The following MSR1 variants were observed in gnomAD, a reference collection of about 807,000 sequenced individuals.
The protein encoded by MSR1 is macrophage scavenger receptor types I and II.
In MSR1, 53 loss-of-function variants were observed where a neutral mutation model predicts 47.2. That is an observed-to-expected ratio of 1.12 (90% CI 0.90 to 1.41). MSR1 has a LOEUF of 1.41. Among genes scored for constraint, MSR1 ranks in the 40% most tolerant of loss-of-function variants. The probability of loss-of-function intolerance (pLI) is 0.00; values close to 1 mark genes in which losing one functional copy is unlikely to be tolerated. For missense variants in MSR1, 786 were observed against 546.9 expected (o/e 1.44, Z -4.36); for synonymous variants, 239 against 185.6 (o/e 1.29, Z -2.34).
chr8:16,168,812 A>T lies in MSR1; in HGVS notation c.276T>A (p.Asp92Glu). Reference protein sequence around the residue: ...NCSVSSTNANDITQSLTGKGN... With the variant: ...NCSVSSTNANEITQSLTGKGN... ...CTTTTCCCGTGAGACTTTGAGTTAT[A>T]TCATTTGCATTAGTTGAACTAACTG... Residue 92 changes from aspartate (D) to glutamate (E), a missense_variant, in exon 4 of 10, where the codon GAT becomes GAA. Asp to Glu is a conservative substitution (Grantham distance 45). Coordinates refer to ENST00000262101, the MANE Select transcript of MSR1 (RefSeq NM_138715.3). The T allele has an allele frequency of 6.2e-7, 1 of 1,613,984 alleles. No homozygotes were observed. Among genetic ancestry groups the T allele is most frequent in the African/African-American group, 1.3e-5 (1 of 75,048 alleles).
intron 8 of MSR1, among the ~76,000 whole-genome samples, chr8:16,126,734 T>A (rs1255347589): frequency 6.6e-6 from 1 of 152,162 alleles, no homozygotes; most frequent in Non-Finnish European, 1.5e-5. Flanking sequence ...TTTTTGTATT[T>A]TTTGAAGAGA....
At chr8:16,129,895 A>C (rs1051957529) in intron 8 of MSR1, among the ~76,000 whole-genome samples, 2 of 152,186 alleles carry the variant, frequency 1.3e-5, no homozygotes, top group Non-Finnish European at 2.9e-5. Context: ...GTATCAGGCT[A>C]AATTTCTTAC....
chr8:16,141,449 A>C (rs1171442294), intron 8 of MSR1, among the ~76,000 whole-genome samples: 1 of 152,214 alleles, frequency 6.6e-6, no homozygotes, highest in Admixed American at 6.5e-5. Flanking sequence ...GCTGAATAAT[A>C]GAATAATGTG....
intron 7 of MSR1, among the ~76,000 whole-genome samples, chr8:16,148,242 T>TC (rs1800753037): frequency 6.6e-6 from 1 of 152,110 alleles, no homozygotes; most frequent in South Asian, 2.1e-4. Flanking sequence ...GCATTTTTTT[T>TC]CTGTATCCAG....
intron 3 of MSR1, among the ~76,000 whole-genome samples, chr8:16,174,712 A>G (rs1208569383): frequency 6.6e-6 from 1 of 152,220 alleles, no homozygotes; most frequent in Non-Finnish European, 1.5e-5. Flanking sequence ...CCTCTCTTTA[A>G]AAACTGACAG....
chr8:16,191,723 G>A (rs1012246047), intron 1 of MSR1, among the ~76,000 whole-genome samples: 9 of 152,088 alleles, frequency 5.9e-5, no homozygotes, highest in South Asian at 2.1e-4. Flanking sequence ...TGCATAAAAC[G>A]GCTAATCACT....
At chr8:16,188,470 T>A (rs1373840497) in intron 1 of MSR1, among the ~76,000 whole-genome samples, 3 of 152,100 alleles carry the variant, frequency 2.0e-5, no homozygotes, top group Non-Finnish European at 4.4e-5. Flanking sequence ...ATTATTTTAA[T>A]ATTTCAAACG....
At chr8:16,123,145 C>G (rs1390164475) in intron 8 of MSR1, among the ~76,000 whole-genome samples, 1 of 152,018 alleles carries the variant, frequency 6.6e-6, no homozygotes, top group Non-Finnish European at 1.5e-5. Context: ...GCACCCGGCC[C>G]TCTATTCAAA....
At chr8:16,162,132 C>T (rs1801179921) in intron 5 of MSR1, among the ~76,000 whole-genome samples, 1 of 151,860 alleles carries the variant, frequency 6.6e-6, no homozygotes, top group Non-Finnish European at 1.5e-5. Context: ...CAATACAAAA[C>T]CACAGATAAG....
At chr8:16,119,446 G>A (rs906606701) in intron 9 of MSR1, among the ~76,000 whole-genome samples, 2 of 152,042 alleles carry the variant, frequency 1.3e-5, no homozygotes, top group South Asian at 2.1e-4. Context: ...GGCTGATCTC[G>A]AACTCCTGAC....
intron 8 of MSR1, among the ~76,000 whole-genome samples, chr8:16,136,393 G>A (rs1009768758): frequency 1.3e-5 from 2 of 152,078 alleles, no homozygotes; most frequent in African/African-American, 4.8e-5. Flanking sequence ...TAGCAATAAA[G>A]TATTTTAAAA....
rs138987923 is a variant in MSR1 at position 16,120,603 on chromosome 8, G to A, written c.1037C>T (p.Pro346Leu). The A allele has an allele frequency of 1.7e-3, 2,608 of 1,556,006 alleles. 46 individuals are homozygous for A. The African/African-American group carries it at 0.033, about 19-fold the overall frequency. ...ACCGACCAGTCGAACTTTCGTAAAT[G>A]GAGCTGTAAAGTTAAAAAAAAAAAA... The part of the protein sequence containing the change: ...GEKGSGNTLT[P>L]FTKVRLVGGS... Residue 346 changes from proline to leucine, a missense_variant, in exon 9 of 10, where the codon CCA becomes CTA. Physicochemically the swap from Pro to Leu is moderately conservative, Grantham distance 98. Transcript: ENST00000262101.
chr8:16,183,489 TATAG>T (rs1430218240), intron 1 of MSR1, among the ~76,000 whole-genome samples: 9 of 147,926 alleles, frequency 6.1e-5, no homozygotes, highest in Admixed American at 2.8e-4. Flanking sequence ...TGAATAACTA[TATAG>T]ATATAAATAT....
intron 5 of MSR1, among the ~76,000 whole-genome samples, chr8:16,159,452 T>C (rs1174595504): frequency 1.3e-5 from 2 of 151,948 alleles, no homozygotes; most frequent in Non-Finnish European, 2.9e-5. Flanking sequence ...ATTTGAGAAA[T>C]GTATTAAAAA....
intron 8 of MSR1, among the ~76,000 whole-genome samples, chr8:16,142,915 T>C (rs545740229): frequency 6.6e-6 from 1 of 152,226 alleles, no homozygotes; most frequent in East Asian, 1.9e-4. Context: ...ATTATATCAG[T>C]ATACATTCAG....
rs1302489158 is a variant in MSR1 at position 16,177,679 on chromosome 8, A to G, written c.103+207T>C. 2.0e-5 allele frequency among the ~76,000 whole-genome samples: 3 copies of G among 152,116 alleles called. No homozygotes were observed. In the East Asian group the frequency reaches 5.8e-4, roughly 29 times the overall value. ...GCTGGGAAGCCAGAAGGCTCAATCA[A>G]TGTTGTAGATTAATTTAATTTCATA... On this transcript the variant is annotated intron_variant, in intron 2 of 9. Transcript: ENST00000262101.
intron 1 of MSR1, among the ~76,000 whole-genome samples, chr8:16,185,690 C>A (rs1801975301): frequency 6.6e-6 from 1 of 151,952 alleles, no homozygotes; most frequent in African/African-American, 2.4e-5. Context: ...TTTATCTACT[C>A]CAGCCAGGCA....
intron 8 of MSR1, among the ~76,000 whole-genome samples, chr8:16,139,090 G>C (rs111471474): frequency 0.034 from 5,114 of 152,178 alleles, 113 homozygotes; most frequent in African/African-American, 0.062. Context: ...TCTTCTGCTC[G>C]ACTCAGACAA....
intron 9 of MSR1, among the ~76,000 whole-genome samples, 176 bp downstream of exon 9, chr8:16,120,242 T>C (rs35028819): frequency 0.029 from 4,330 of 151,574 alleles, 94 homozygotes; most frequent in Middle Eastern, 0.061. Flanking sequence ...CCGGGTGTGG[T>C]GGCGCGCGGC....
Sources: gnomAD v4.1 joint callset for allele counts (sites outside exome capture counted in the v4.1 genomes callset) on GRCh38, gnomAD v4.1.1 for gene constraint, MANE v1.5 for transcripts, NCBI Gene and HGNC (gene_info 2026-07-23, HGNC 2026-07-21) for gene names.